Variants in ST6GALNAC5 observed in about 807,000 individuals in gnomAD.
ST6GALNAC5 encodes the protein alpha-N-acetylgalactosaminide alpha-2,6-sialyltransferase 5.
Under a neutral mutation model 33.6 loss-of-function variants are expected in ST6GALNAC5, and 27 were observed. The ratio of observed to expected loss-of-function variants is 0.80; its 90% CI spans 0.59 to 1.11. The LOEUF (loss-of-function observed/expected upper bound fraction) is 1.11, where lower values mean the gene tolerates loss of function less well. ST6GALNAC5 is among the 50% of genes least tolerant of loss of function. ST6GALNAC5 has a pLI of 0.00. For synonymous variants in ST6GALNAC5, 194 were observed against 171.2 expected, an observed-to-expected ratio of 1.13 and a Z score of -1.04; for missense variants, 428 against 454.0, an observed-to-expected ratio of 0.94 and a Z score of 0.52.
chr1:76,897,622 G>T lies in ST6GALNAC5; in HGVS notation c.261+28880G>T, dbSNP rs57948206. ...GTATCTTATACTTGTGGGTTAAGGT[G>T]GGGGGATACAAGAGGAGGACTCAAA... On this transcript the variant is annotated intron_variant, in intron 2 of 4. Transcript: ENST00000477717. Among the ~76,000 whole-genome samples the T allele has an allele frequency of 3.3e-5, 5 of 151,488 alleles. No individual in the cohort carries two copies. The South Asian group carries it at 8.3e-4, about 25-fold the overall frequency.
chr1:76,895,537 G>T (rs1329672911), intron 2 of ST6GALNAC5, among the ~76,000 whole-genome samples: 2 of 152,178 alleles, frequency 1.3e-5, no homozygotes, highest in Non-Finnish European at 2.9e-5. Context: ...AGGTATAAAA[G>T]GTCTAAGAAT....
At position 77,067,352 on chromosome 1, in the gene ST6GALNAC5, T is replaced by G. The variant is rs2100490579; in HGVS notation, c.*4146T>G. On this transcript the variant is annotated 3_prime_UTR_variant, in exon 5 of 5. Transcript: ENST00000477717. Reference sequence around the variant, plus strand: ...AGGCTGAAACCCTGTTTCTTTCTACTCAGTGCCCTAATATTATATACTACC... The same window carrying G: ...AGGCTGAAACCCTGTTTCTTTCTACGCAGTGCCCTAATATTATATACTACC... Among the ~76,000 whole-genome samples, 1 of 152,338 alleles carries G rather than the reference T, an allele frequency of 6.6e-6. No individual in the cohort carries two copies. The highest frequency in any genetic ancestry group is 2.1e-4 in the South Asian group (1 of 4,820).
At chr1:76,976,550 T>C (rs1649020900) in intron 2 of ST6GALNAC5, among the ~76,000 whole-genome samples, 4 of 151,258 alleles carry the variant, frequency 2.6e-5, no homozygotes, top group South Asian at 2.1e-4. Flanking sequence ...TCTGAGCTTG[T>C]TGTTTTTCTT....
intron 2 of ST6GALNAC5, among the ~76,000 whole-genome samples, chr1:77,031,072 C>T (rs1346982897): frequency 6.6e-6 from 1 of 152,150 alleles, no homozygotes; most frequent in African/African-American, 2.4e-5. Flanking sequence ...CAGAGTAAAC[C>T]ATTCTGTGGC....
intron 2 of ST6GALNAC5, among the ~76,000 whole-genome samples, chr1:76,872,054 T>A (rs1653516970): frequency 6.7e-6 from 1 of 148,762 alleles, no homozygotes; most frequent in African/African-American, 2.5e-5. Flanking sequence ...TGTAGCCTAA[T>A]GTATAACCAA....
At chr1:76,985,575 G>A (rs536064764) in intron 2 of ST6GALNAC5, among the ~76,000 whole-genome samples, 2 of 152,202 alleles carry the variant, frequency 1.3e-5, no homozygotes, top group South Asian at 4.2e-4. Context: ...CATGAAAATG[G>A]CCACACTGCC....
At chr1:76,958,117 C>T (rs1400488821) in intron 2 of ST6GALNAC5, among the ~76,000 whole-genome samples, 1 of 152,168 alleles carries the variant, frequency 6.6e-6, no homozygotes, top group Admixed American at 6.5e-5. Context: ...TCCTGAGGCT[C>T]ATGATGCCCG....
intron 2 of ST6GALNAC5, among the ~76,000 whole-genome samples, chr1:76,932,680 T>G (rs1330493791): frequency 6.6e-6 from 1 of 152,092 alleles, no homozygotes; most frequent in Non-Finnish European, 1.5e-5. Flanking sequence ...AAACCTGAAC[T>G]GGGGAAATAC....
intron 2 of ST6GALNAC5, among the ~76,000 whole-genome samples, chr1:77,034,438 C>A (rs1010092298): frequency 1.3e-5 from 2 of 152,146 alleles, no homozygotes; most frequent in African/African-American, 4.8e-5. Flanking sequence ...ACCTCTGTTT[C>A]TAGATAAGAT....
intron 2 of ST6GALNAC5, among the ~76,000 whole-genome samples, chr1:76,916,273 T>G (rs867088107): frequency 2.0e-5 from 3 of 152,250 alleles, no homozygotes; most frequent in South Asian, 2.1e-4. Context: ...ATGCAGCTGC[T>G]TCGCCTTTGT....
At chr1:76,977,929 A>G (rs1407823800) in intron 2 of ST6GALNAC5, among the ~76,000 whole-genome samples, 1 of 152,164 alleles carries the variant, frequency 6.6e-6, no homozygotes, top group Non-Finnish European at 1.5e-5. Context: ...ATATTAATTT[A>G]CATTATTACC....
rs373805337 is a variant in ST6GALNAC5, at chr1:76,868,448, G to C, written c.16-49G>C. On this transcript the variant is annotated intron_variant, in intron 1 of 4. Coordinates refer to ENST00000477717, the MANE Select transcript of ST6GALNAC5 (RefSeq NM_030965.3). The surrounding 1 kb of genome is among the most constrained non-coding windows in gnomAD (Gnocchi z 4.3). Reference sequence around the variant, plus strand: ...TTGTCCCCGCTGGGCGCGCTCCTCCGGTGTCTGCGCTCAGCCGCTCTCCTC... The same window carrying C: ...TTGTCCCCGCTGGGCGCGCTCCTCCCGTGTCTGCGCTCAGCCGCTCTCCTC... 1 of 1,561,882 alleles carries C rather than the reference G, an allele frequency of 6.4e-7. No homozygotes were observed. Among genetic ancestry groups the C allele is most frequent in the African/African-American group, 1.4e-5 (1 of 73,354 alleles).
At chr1:76,964,348 A>G (rs558538910) in intron 2 of ST6GALNAC5, among the ~76,000 whole-genome samples, 7 of 152,242 alleles carry the variant, frequency 4.6e-5, no homozygotes, top group African/African-American at 1.7e-4. Context: ...CTTGAAAAAT[A>G]CCAGGTCAGT....
chr1:77,010,453 C>A (rs1650589984), intron 2 of ST6GALNAC5, among the ~76,000 whole-genome samples: 1 of 152,096 alleles, frequency 6.6e-6, no homozygotes, highest in Admixed American at 6.5e-5. Context: ...CAAGATCGTG[C>A]CACTGCACTC....
chr1:76,931,470 G>A lies in ST6GALNAC5; in HGVS notation c.261+62728G>A, dbSNP rs111252623. Among the ~76,000 whole-genome samples, 869 of 152,126 alleles carry A rather than the reference G, an allele frequency of 5.7e-3. 8 individuals are homozygous for A. Among genetic ancestry groups the A allele is most frequent in the African/African-American group, 0.019 (807 of 41,520 alleles). On this transcript the variant is annotated intron_variant, in intron 2 of 4. Coordinates refer to ENST00000477717, the MANE Select transcript of ST6GALNAC5 (RefSeq NM_030965.3). ...ATTTAACCTCCAAGCATATTTTATG[G>A]CAAAAGCAAGACATATGCATTGAAA...
chr1:76,899,198 T>C (rs1173231886), intron 2 of ST6GALNAC5, among the ~76,000 whole-genome samples: 2 of 151,762 alleles, frequency 1.3e-5, no homozygotes, highest in Non-Finnish European at 1.5e-5. Flanking sequence ...AGGTGAGAGT[T>C]GAAGAGGTTT....
rs761069035 is a variant in ST6GALNAC5 at position 76,868,646 on chromosome 1, C to T, written c.165C>T (p.Ser55=). 6.2e-7 allele frequency: 1 copy of T among 1,603,912 alleles called. No homozygotes were observed. Among genetic ancestry groups the T allele is most frequent in the African/African-American group, 1.3e-5 (1 of 74,524 alleles). Residue 55 remains serine, a synonymous_variant, in exon 2 of 5, where the codon AGC becomes AGT. Coordinates refer to ENST00000477717, the MANE Select transcript of ST6GALNAC5 (RefSeq NM_030965.3). The surrounding 1 kb of genome is among the most constrained non-coding windows in gnomAD (Gnocchi z 4.3). ...AGCAGCAGGCGTCGGCCACCGGCAG[C>T]TCGCAGCCGGCGGCGGAGAGCAGCA... ...QQQQQASATG[S]SQPAAESSTQ... is the part of the protein sequence containing the mutation.
At chr1:76,895,086 G>A (rs1372951608) in intron 2 of ST6GALNAC5, among the ~76,000 whole-genome samples, 2 of 152,148 alleles carry the variant, frequency 1.3e-5, no homozygotes, top group Non-Finnish European at 2.9e-5. Context: ...AGTGTCATCA[G>A]TTAAGGCAGG....
intron 2 of ST6GALNAC5, among the ~76,000 whole-genome samples, chr1:77,039,695 T>C (rs1651770419): frequency 6.6e-6 from 1 of 152,324 alleles, no homozygotes; most frequent in African/African-American, 2.4e-5. Context: ...AGGAGTGAAC[T>C]AAGATAGATG....
Sources: allele counts gnomAD v4.1 joint callset (sites outside exome capture counted in the v4.1 genomes callset), GRCh38; gene constraint gnomAD v4.1.1; non-coding constraint Gnocchi (gnomAD v3.1); transcripts MANE v1.5; gene names NCBI Gene and HGNC (gene_info 2026-07-23, HGNC 2026-07-21).